TTYH3: variants seen among roughly 807,000 people sequenced by gnomAD.
TTYH3 encodes the protein protein tweety homolog 3.
In TTYH3, 23 loss-of-function variants were observed where a neutral mutation model predicts 68.2. The observed-to-expected ratio is 0.34, with a 90% CI of 0.24 to 0.48. The LOEUF is 0.48. Among genes scored for constraint, TTYH3 ranks in the 20% least tolerant of loss-of-function variants. The pLI is 0.99. For missense variants in TTYH3, 768 were observed against 727.7 expected (o/e 1.06, Z -0.64); for synonymous variants, 360 against 332.8 (o/e 1.08, Z -0.89).
At chr7:2,657,166 G>C (rs1046480648) in intron 11 of TTYH3, among the ~76,000 whole-genome samples, 1 of 152,250 alleles carries the variant, frequency 6.6e-6, no homozygotes, top group Non-Finnish European at 1.5e-5. Flanking sequence ...TTATCTTTGA[G>C]ACCTTCACCT....
At chr7:2,633,081 C>G (rs1328150771) in intron 1 of TTYH3, among the ~76,000 whole-genome samples, 1 of 152,124 alleles carries the variant, frequency 6.6e-6, no homozygotes, top group Non-Finnish European at 1.5e-5. Context: ...GGCATCATGC[C>G]AGGCCCCAGC....
intron 5 of TTYH3, 123 bp downstream of exon 5, chr7:2,648,177 C>A: frequency 2.2e-6 from 2 of 899,374 alleles, no homozygotes; most frequent in Non-Finnish European, 3.4e-6. Context: ...GGGGGCTGAG[C>A]GGGACCCCCC....
At chr7:2,636,414 G>A (rs1468161382) in intron 1 of TTYH3, among the ~76,000 whole-genome samples, 1 of 152,150 alleles carries the variant, frequency 6.6e-6, no homozygotes, top group Non-Finnish European at 1.5e-5. Context: ...GCTGTAGGGT[G>A]GGTGTCCCTG....
chr7:2,662,173 G>A lies in TTYH3; in HGVS notation c.*434G>A. The A allele has an allele frequency of 3.3e-6, 1 of 305,852 alleles. No individual in the cohort carries two copies. The highest frequency in any genetic ancestry group is 6.2e-6 in the Non-Finnish European group (1 of 160,118). The allele number at this position is 305,852 out of a possible 1,614,324, so 18.9% of individuals were successfully genotyped here. ...CTGGGGCCGCTCTGTGCTGGCGCCT[G>A]CTGGCCACTGAGGGACAGGGACACG... On this transcript the variant is annotated 3_prime_UTR_variant, in exon 14 of 14. Coordinates refer to ENST00000258796, the MANE Select transcript of TTYH3 (RefSeq NM_025250.3).
At chr7:2,656,321 G>A (rs1297327707) in intron 10 of TTYH3, 77 bp from the exon 11 acceptor site, 1 of 1,576,838 alleles carries the variant, frequency 6.3e-7, no homozygotes, top group African/African-American at 1.3e-5. Flanking sequence ...AGGCCGCCGT[G>A]GCTGGGCTGA....
chr7:2,649,733 C>G, intron 6 of TTYH3, 94 bp downstream of exon 6: 1 of 1,506,042 alleles, frequency 6.6e-7, no homozygotes, highest in Non-Finnish European at 9.0e-7. Context: ...TCCCATCTTC[C>G]CGGGCACTGG....
rs375215836 is a variant in TTYH3, at chr7:2,649,852, C to T, written c.796-61C>T. 93 of 1,589,794 alleles carry T rather than the reference C, an allele frequency of 5.8e-5. 1 individual carries two copies. Among genetic ancestry groups the T allele is most frequent in the Admixed American group, 4.0e-4 (24 of 59,680 alleles). Reference sequence around the variant, plus strand: ...GACTCCAGGGGACGGGTTCTACCCCCGAGAGCTTCCCTTTAGGCCCAGCTT... The same window carrying T: ...GACTCCAGGGGACGGGTTCTACCCCTGAGAGCTTCCCTTTAGGCCCAGCTT... On this transcript the variant is annotated intron_variant, in intron 6 of 13. Coordinates refer to ENST00000258796, the MANE Select transcript of TTYH3 (RefSeq NM_025250.3).
At chr7:2,639,456 C>T (rs954321322) in intron 1 of TTYH3, among the ~76,000 whole-genome samples, 1 of 152,242 alleles carries the variant, frequency 6.6e-6, no homozygotes, top group Non-Finnish European at 1.5e-5. Context: ...TTCCTGCCTC[C>T]CACAGCCTCC....
Position 2,652,982 on chromosome 7 carries a change from C to T in TTYH3, c.992C>T (p.Thr331Ile). 1.9e-6 allele frequency: 3 copies of T among 1,575,020 alleles called. No homozygotes were observed. Among genetic ancestry groups the T allele is most frequent in the South Asian group, 2.3e-5 (2 of 85,584 alleles). Reference protein sequence around the residue: ...MQDVVAELLRTVPWEQPATKD... With the variant: ...MQDVVAELLRIVPWEQPATKD... ...GATGTCGTGGCTGAGCTTCTGAGGACCGTCCCCTGGGAGCAGCCGGCCACT... is the reference window on the plus strand; with the variant it reads ...GATGTCGTGGCTGAGCTTCTGAGGATCGTCCCCTGGGAGCAGCCGGCCACT... The change falls in exon 9 of 14, where the codon ACC becomes ATC. Residue 331 changes from threonine (T) to isoleucine (I), a missense_variant. Coordinates refer to ENST00000258796, the MANE Select transcript of TTYH3 (RefSeq NM_025250.3).
At position 2,663,796 on chromosome 7, in the gene TTYH3, T is replaced by A. The variant is rs1320834781; in HGVS notation, c.*2057T>A. ...CCAGGGCTTCCAGCCTCGTGCTGTC[T>A]CGGGACTCCTGACCGTGGTGTGCGT... On this transcript the variant is annotated 3_prime_UTR_variant, in exon 14 of 14. Coordinates refer to ENST00000258796, the MANE Select transcript of TTYH3 (RefSeq NM_025250.3). 1 of 152,648 alleles carries A rather than the reference T, an allele frequency of 6.6e-6. No individual in the cohort carries two copies. The highest frequency in any genetic ancestry group is 2.4e-5 in the African/African-American group (1 of 41,458). The allele number at this position is 152,648 out of a possible 1,614,324, so 9.5% of individuals were successfully genotyped here. A position where few individuals can be genotyped will look rare whatever the true frequency, so the allele number is the denominator to read the frequency against.
intron 11 of TTYH3, among the ~76,000 whole-genome samples, chr7:2,657,485 G>A (rs1786372037): frequency 6.6e-6 from 1 of 151,904 alleles, no homozygotes; most frequent in Non-Finnish European, 1.5e-5. Context: ...GGTGATGTCG[G>A]TGATGGTGGT....
At chr7:2,660,106 C>G (rs983758004) in intron 13 of TTYH3, 14 of 1,254,724 alleles carry the variant, frequency 1.1e-5, no homozygotes, top group Non-Finnish European at 1.5e-5. Context: ...CCACCCTGCA[C>G]TCACTGCCGC....
chr7:2,662,004 G>A lies in TTYH3; in HGVS notation c.*265G>A. ...GCCCTGCACGCCACCCACTATCCCG[G>A]CACGCTCCCTCTGCAGATGGTCGCC... On this transcript the variant is annotated 3_prime_UTR_variant, in exon 14 of 14. Transcript: ENST00000258796. 1.7e-6 allele frequency: 1 copy of A among 587,486 alleles called. No individual in the cohort carries two copies. Among genetic ancestry groups the A allele is most frequent in the South Asian group, 2.0e-5 (1 of 50,228 alleles). 36.4% of individuals were successfully genotyped at this position (587,486 alleles called of 1,614,324 possible). A position where few individuals can be genotyped will look rare whatever the true frequency, so the allele number is the denominator to read the frequency against.
rs1196567733 is a variant in TTYH3, at chr7:2,645,795, G to T, written c.124-1058G>T. On this transcript the variant is annotated intron_variant, in intron 1 of 13. Transcript: ENST00000258796. This position sits in a 1 kb window ranked among gnomAD's most constrained non-coding sequence, Gnocchi z 4.8. ...AGAAACACTTTCATGGTCAGCAAGA[G>T]GGGGTTCAGTCCCCCACAGGCTCCC... 2.1e-6 allele frequency: 1 copy of T among 471,038 alleles called. No homozygotes were observed. Among genetic ancestry groups the T allele is most frequent in the Non-Finnish European group, 4.4e-6 (1 of 227,026 alleles). 29.2% of individuals were successfully genotyped at this position (471,038 alleles called of 1,614,324 possible). A position where few individuals can be genotyped will look rare whatever the true frequency, so the allele number is the denominator to read the frequency against.
At chr7:2,653,334 G>A (rs188084005) in intron 9 of TTYH3, among the ~76,000 whole-genome samples, 59 of 152,196 alleles carry the variant, frequency 3.9e-4, no homozygotes, top group African/African-American at 1.2e-3. Context: ...GATGACAGAC[G>A]TGAACCACCA....
At chr7:2,653,213 C>A (rs988416163) in intron 9 of TTYH3, among the ~76,000 whole-genome samples, 34 of 152,254 alleles carry the variant, frequency 2.2e-4, no homozygotes, top group African/African-American at 7.9e-4. Context: ...ATTTTTTCCT[C>A]CCCTTCCTCC....
intron 1 of TTYH3, among the ~76,000 whole-genome samples, chr7:2,637,138 G>A (rs1583554423): frequency 6.6e-6 from 1 of 152,106 alleles, no homozygotes; most frequent in South Asian, 2.1e-4. Context: ...AGACTCGAGG[G>A]CCAGCTCTAG....
intron 11 of TTYH3, among the ~76,000 whole-genome samples, chr7:2,657,968 C>T (rs1786383388): frequency 6.6e-6 from 1 of 152,198 alleles, no homozygotes; most frequent in Non-Finnish European, 1.5e-5. Context: ...TCAAGAGGCA[C>T]CCTGGCCTCC....
chr7:2,648,219 G>A lies in TTYH3; in HGVS notation c.722+165G>A, dbSNP rs1786055992. 7.8e-6 allele frequency: 5 copies of A among 643,410 alleles called. No individual in the cohort carries two copies. In the East Asian group the frequency reaches 1.4e-4, roughly 18 times the overall value. The allele number at this position is 643,410 out of a possible 1,614,324, so 39.9% of individuals were successfully genotyped here. ...GGGCCTGCTCTGAGATGCCCCTTCT[G>A]TGCCTGTGGCCTGTGCCCCTGTGGC... On this transcript the variant is annotated intron_variant, in intron 5 of 13. Coordinates refer to ENST00000258796, the MANE Select transcript of TTYH3 (RefSeq NM_025250.3).
Sources: allele counts gnomAD v4.1 joint callset (sites outside exome capture counted in the v4.1 genomes callset), GRCh38; gene constraint gnomAD v4.1.1; non-coding constraint Gnocchi (gnomAD v3.1); transcripts MANE v1.5; gene names NCBI Gene and HGNC (gene_info 2026-07-23, HGNC 2026-07-21).